SPC25: variants seen among roughly 807,000 people sequenced by gnomAD.
SPC25 encodes the protein SPC25 component of NDC80 kinetochore complex, also known as kinetochore protein Spc25.
In SPC25, 22 loss-of-function variants were observed where a neutral mutation model predicts 29.6. The ratio of observed to expected loss-of-function variants is 0.74; its 90% confidence interval spans 0.53 to 1.06. The LOEUF (loss-of-function observed/expected upper bound fraction) is 1.06. Among genes scored for constraint, SPC25 ranks in the 50% least tolerant of loss-of-function variants. SPC25 has a pLI of 0.00. For missense variants in SPC25, 230 were observed against 255.8 expected, an observed-to-expected ratio of 0.90 and a Z score of 0.69; for synonymous variants, 91 against 90.4, an observed-to-expected ratio of 1.01 and a Z score of -0.04.
chr2:168,877,817 C>T (rs1051008615), intron 3 of SPC25, among the ~76,000 whole-genome samples: 3 of 152,090 alleles, frequency 2.0e-5, no homozygotes, highest in Non-Finnish European at 4.4e-5. Flanking sequence ...TTGCAGCCTC[C>T]CACCTTAGCA....
intron 4 of SPC25, among the ~76,000 whole-genome samples, chr2:168,863,909 CTT>C (rs761612290): frequency 6.6e-6 from 1 of 151,514 alleles, no homozygotes; most frequent in East Asian, 1.9e-4. Flanking sequence ...CCAACGTGAT[CTT>C]TTTTTATTTT....
chr2:168,868,357 A>G (rs191239008), downstream of SPC25, among the ~76,000 whole-genome samples: 14 of 152,356 alleles, frequency 9.2e-5, no homozygotes, highest in Admixed American at 7.8e-4. Flanking sequence ...CTAAGATCAG[A>G]GCAGAACTGA....
chr2:168,863,097 A>T (rs1195813321), intron 4 of SPC25, among the ~76,000 whole-genome samples: 1 of 152,210 alleles, frequency 6.6e-6, no homozygotes, highest in Non-Finnish European at 1.5e-5. Context: ...CATTCACAAT[A>T]AATTGATTAT....
chr2:168,865,630 C>T (rs1689819275), intron 4 of SPC25: 1 of 152,106 alleles, frequency 6.6e-6, no homozygotes, highest in Admixed American at 6.6e-5. Flanking sequence ...GGCAATCAGG[C>T]AGGAGAAGGA....
At chr2:168,883,383 T>C (rs1690207263) in intron 3 of SPC25, among the ~76,000 whole-genome samples, 1 of 152,316 alleles carries the variant, frequency 6.6e-6, no homozygotes, top group East Asian at 1.9e-4. Flanking sequence ...CATGATCATA[T>C]ATTACGTCAA....
chr2:168,865,850 C>A (rs1357680853), intron 4 of SPC25, among the ~76,000 whole-genome samples: 9 of 152,226 alleles, frequency 5.9e-5, no homozygotes, highest in Admixed American at 5.9e-4. Context: ...AGAGCCAAAT[C>A]ATGAGTGAAC....
At chr2:168,868,415 G>A (rs1277166648), downstream of SPC25, among the ~76,000 whole-genome samples, 2 of 152,110 alleles carry the variant, frequency 1.3e-5, no homozygotes, top group African/African-American at 4.8e-5. Context: ...ATGAATCCAG[G>A]AGCTGGCTTT....
chr2:168,869,055 C>T (rs1049548427), downstream of SPC25, among the ~76,000 whole-genome samples: 27 of 152,206 alleles, frequency 1.8e-4, no homozygotes, highest in African/African-American at 5.8e-4. Context: ...GTTCAACATA[C>T]GAAAATCAAT....
chr2:168,882,342 C>T (rs1257683686), intron 3 of SPC25, among the ~76,000 whole-genome samples: 1 of 152,230 alleles, frequency 6.6e-6, no homozygotes, highest in East Asian at 1.9e-4. Context: ...CATGGCGGCT[C>T]ACGCCTGTAA....
intron 3 of SPC25, among the ~76,000 whole-genome samples, chr2:168,882,598 C>T (rs1215589306): frequency 7.2e-6 from 1 of 138,264 alleles, no homozygotes; most frequent in East Asian, 2.3e-4. Context: ...GAGACCCTGT[C>T]TCAAAAATAA....
chr2:168,890,256 T>A lies in SPC25; in HGVS notation c.-15+62A>T, dbSNP rs555235710. Reference sequence around the variant, plus strand: ...CAAATACACACATCCCGCCCTCAAATTCACTTTCCCTTATTGCGACAGGGG... The same window carrying A: ...CAAATACACACATCCCGCCCTCAAAATCACTTTCCCTTATTGCGACAGGGG... On this transcript the variant is annotated intron_variant, in intron 1 of 6. Coordinates refer to ENST00000282074, the MANE Select transcript of SPC25 (RefSeq NM_020675.4). The A allele has an allele frequency of 2.2e-4, 192 of 881,486 alleles. 5 individuals carry two copies. The South Asian group carries it at 7.9e-3, about 36-fold the overall frequency. The allele number at this position is 881,486 out of a possible 1,614,324, so 54.6% of individuals were successfully genotyped here.
chr2:168,887,740 G>A (rs1240274071), intron 3 of SPC25, among the ~76,000 whole-genome samples: 1 of 152,216 alleles, frequency 6.6e-6, no homozygotes, highest in Non-Finnish European at 1.5e-5. Context: ...CTGGAGAGTA[G>A]TAGAAATAAG....
In SPC25 at chr2:168,861,998, G is replaced by T. The variant is rs781159291; in HGVS notation, n.419+11587C>A. ...CCAGCTCAGCAGCAGACTTTGCAAGGCCTTGTATTCTTTTCAAGCCAGGCA... is the reference window on the plus strand; with the variant it reads ...CCAGCTCAGCAGCAGACTTTGCAAGTCCTTGTATTCTTTTCAAGCCAGGCA... On this transcript the variant is annotated intron_variant and non_coding_transcript_variant, in intron 4 of 4. Transcript: ENST00000479309. 1.3e-5 allele frequency: 21 copies of T among 1,613,998 alleles called. No homozygotes were observed. The highest frequency in any genetic ancestry group is 1.5e-5 in the Non-Finnish European group (18 of 1,180,020).
intron 3 of SPC25, among the ~76,000 whole-genome samples, chr2:168,888,234 G>A (rs1690303661): frequency 6.6e-6 from 1 of 152,180 alleles, no homozygotes; most frequent in African/African-American, 2.4e-5. Flanking sequence ...CCTAGATCAT[G>A]CCACTGCACC....
intron 3 of SPC25, among the ~76,000 whole-genome samples, chr2:168,881,579 C>T (rs1257643167): frequency 6.6e-6 from 1 of 152,184 alleles, no homozygotes; most frequent in Non-Finnish European, 1.5e-5. Flanking sequence ...GCCAGTAGAG[C>T]TCAAGTGGTG....
downstream of SPC25, among the ~76,000 whole-genome samples, chr2:168,869,509 T>C (rs1465679592): frequency 6.6e-6 from 1 of 152,174 alleles, no homozygotes; most frequent in Non-Finnish European, 1.5e-5. Context: ...TTCAGCAAAC[T>C]CTCAGGATGC....
chr2:168,882,533 C>T (rs963268521), intron 3 of SPC25, among the ~76,000 whole-genome samples: 1 of 152,154 alleles, frequency 6.6e-6, no homozygotes, highest in Admixed American at 6.5e-5. Context: ...ACCAGGGAGT[C>T]GGAGGTTGCA....
intron 3 of SPC25, among the ~76,000 whole-genome samples, chr2:168,883,449 A>C (rs1208023018): frequency 6.6e-6 from 1 of 152,218 alleles, no homozygotes; most frequent in African/African-American, 2.4e-5. Context: ...ATTTAAAGAA[A>C]AAAATTAAGT....
chr2:168,886,537 T>TG (rs1690266268), intron 3 of SPC25, among the ~76,000 whole-genome samples: 1 of 151,094 alleles, frequency 6.6e-6, no homozygotes. Context: ...TTTTTTTTTT[T>TG]GAGATGGAGT....
Sources: gnomAD v4.1 joint callset for allele counts (sites outside exome capture counted in the v4.1 genomes callset) on GRCh38, gnomAD v4.1.1 for gene constraint, MANE v1.5 for transcripts, NCBI Gene and HGNC (gene_info 2026-07-23, HGNC 2026-07-21) for gene names.